Variants in CNTNAP2 observed in about 807,000 individuals in gnomAD.
CNTNAP2 encodes contactin associated protein 2.
A neutral mutation model predicts 155.2 loss-of-function variants in CNTNAP2; 98 were observed. That is an observed-to-expected ratio of 0.63 (90% CI 0.54 to 0.75). The LOEUF is 0.75. Among genes scored for constraint, CNTNAP2 ranks in the 30% least tolerant of loss-of-function variants. The pLI, the probability that CNTNAP2 is intolerant of heterozygous loss-of-function variation, is 0.00. For synonymous variants in CNTNAP2, 651 were observed against 631.2 expected, an observed-to-expected ratio of 1.03 and a Z score of -0.47; for missense variants, 1,727 against 1,688.1, an observed-to-expected ratio of 1.02 and a Z score of -0.40.
At chr7:146,727,831 T>C (rs754225124) in intron 1 of CNTNAP2, among the ~76,000 whole-genome samples, 11 of 152,330 alleles carry the variant, frequency 7.2e-5, no homozygotes, top group Non-Finnish European at 1.3e-4. Context: ...AAATGCTCAT[T>C]GTAAACATTT....
At chr7:146,566,134 A>G (rs956800173) in intron 1 of CNTNAP2, among the ~76,000 whole-genome samples, 4 of 152,192 alleles carry the variant, frequency 2.6e-5, no homozygotes, top group Non-Finnish European at 5.9e-5. Flanking sequence ...CAGCTTTGTT[A>G]TTCCAGCTGG....
At chr7:148,236,166 T>G (rs1283772410) in intron 20 of CNTNAP2, among the ~76,000 whole-genome samples, 1 of 152,234 alleles carries the variant, frequency 6.6e-6, no homozygotes, top group African/African-American at 2.4e-5. Flanking sequence ...AAATGCACCC[T>G]AAGCTCTTCC....
At chr7:147,729,193 C>T (rs1213326449) in intron 13 of CNTNAP2, among the ~76,000 whole-genome samples, 1 of 151,686 alleles carries the variant, frequency 6.6e-6, no homozygotes, top group Non-Finnish European at 1.5e-5. Context: ...GCCTCAGCCT[C>T]CCAAAGTGCT....
chr7:148,403,906 A>G (rs6464881), intron 22 of CNTNAP2, among the ~76,000 whole-genome samples: 44,679 of 152,158 alleles, frequency 0.29, 7,572 homozygotes, highest in African/African-American at 0.46. Context: ...CTTGAAATGT[A>G]TAAGGATTCC....
chr7:148,142,972 A>G (rs964847850), intron 16 of CNTNAP2, among the ~76,000 whole-genome samples: 2 of 152,036 alleles, frequency 1.3e-5, no homozygotes, highest in Non-Finnish European at 1.5e-5. Context: ...AATTTCTTCC[A>G]CCTATATTCT....
intron 3 of CNTNAP2, among the ~76,000 whole-genome samples, chr7:146,965,137 A>G (rs1030751766): frequency 6.6e-5 from 10 of 152,150 alleles, no homozygotes; most frequent in Admixed American, 3.9e-4. Flanking sequence ...GGTGGGGTCC[A>G]TGTGTACAGA....
chr7:146,310,609 A>T (rs913858095), intron 1 of CNTNAP2, among the ~76,000 whole-genome samples: 4 of 152,088 alleles, frequency 2.6e-5, no homozygotes, highest in African/African-American at 9.7e-5. Context: ...ATCTGATATA[A>T]CACTAAGATT....
chr7:148,271,262 G>C (rs1022122043), intron 21 of CNTNAP2, among the ~76,000 whole-genome samples: 1 of 152,208 alleles, frequency 6.6e-6, no homozygotes, highest in African/African-American at 2.4e-5. Flanking sequence ...TCTTCTTAAA[G>C]TGGGGTTTCC....
rs1210844961 is a variant in CNTNAP2, at chr7:147,486,136, A to G, written c.1777+95A>G. The G allele has an allele frequency of 5.4e-6, 5 of 934,036 alleles. No homozygotes were observed. In the African/African-American group the frequency reaches 6.6e-5, roughly 12 times the overall value. The allele number at this position is 934,036 out of a possible 1,614,324, so 57.9% of individuals were successfully genotyped here. ...AAGCTCAGCAACCTGAATAATCCAC[A>G]TAATACATCACTCGAATCTGAAAAA... On this transcript the variant is annotated intron_variant, in intron 11 of 23. Coordinates refer to ENST00000361727, the MANE Select transcript of CNTNAP2 (RefSeq NM_014141.6).
chr7:146,941,917 G>C (rs1797065977), intron 3 of CNTNAP2, among the ~76,000 whole-genome samples: 1 of 151,852 alleles, frequency 6.6e-6, no homozygotes, highest in Non-Finnish European at 1.5e-5. Context: ...GCTGTTTTCA[G>C]AATTCTCTCT....
At chr7:147,691,246 T>C (rs139972014) in intron 13 of CNTNAP2, among the ~76,000 whole-genome samples, 2,505 of 152,274 alleles carry the variant, frequency 0.016, 224 homozygotes, top group Admixed American at 0.15. Flanking sequence ...GTAATGACTG[T>C]AGGCACAACA....
intron 14 of CNTNAP2, among the ~76,000 whole-genome samples, chr7:147,917,821 A>G (rs2116774551): frequency 1.3e-5 from 2 of 152,272 alleles, no homozygotes; most frequent in Middle Eastern, 6.8e-3. Flanking sequence ...CTCCAGAATA[A>G]AGTCCAGACT....
At chr7:148,051,169 T>C (rs1194309328) in intron 15 of CNTNAP2, among the ~76,000 whole-genome samples, 2 of 152,232 alleles carry the variant, frequency 1.3e-5, no homozygotes, top group African/African-American at 2.4e-5. Flanking sequence ...TACTTTTTTC[T>C]AATCAAACTA....
rs570395784 is a variant in CNTNAP2, at chr7:147,581,699, C to T, written c.1897+19442C>T. Among the ~76,000 whole-genome samples the T allele has an allele frequency of 5.3e-5, 8 of 152,276 alleles. No individual in the cohort carries two copies. In the South Asian group the frequency reaches 1.7e-3, roughly 32 times the overall value. On this transcript the variant is annotated intron_variant, in intron 12 of 23. Transcript: ENST00000361727. Reference sequence around the variant, plus strand: ...TCCAAATCTGGTGATTAGTCATTAACTCCAGCTTAACAGCAACTCAGCAGT... The same window carrying T: ...TCCAAATCTGGTGATTAGTCATTAATTCCAGCTTAACAGCAACTCAGCAGT...
In CNTNAP2 at chr7:148,396,349, G is replaced by T. The variant is rs528251821; in HGVS notation, c.3715+12461G>T. ...ATGCTTCCTACTGTACCGCATTTTT[G>T]AGTATTCTTCAGTATCATGCTTCTG... On this transcript the variant is annotated intron_variant, in intron 22 of 23. Transcript: ENST00000361727. Among the ~76,000 whole-genome samples the T allele has an allele frequency of 1.7e-3, 253 of 152,230 alleles. 4 individuals are homozygous for T. Among genetic ancestry groups the T allele is most frequent in the Middle Eastern group, 6.8e-3 (2 of 294 alleles).
intron 15 of CNTNAP2, among the ~76,000 whole-genome samples, chr7:148,111,552 A>G (rs1201290658): frequency 6.6e-6 from 1 of 151,972 alleles, no homozygotes; most frequent in Non-Finnish European, 1.5e-5. Flanking sequence ...AAAAAAATCT[A>G]AAATAAATAG....
intron 1 of CNTNAP2, among the ~76,000 whole-genome samples, chr7:146,366,462 C>A (rs1259816986): frequency 5.3e-5 from 8 of 151,880 alleles, no homozygotes; most frequent in Non-Finnish European, 1.2e-4. Flanking sequence ...GGGAAGAAAC[C>A]GTGTGTCACA....
chr7:147,955,195 G>A (rs966312282), intron 14 of CNTNAP2, among the ~76,000 whole-genome samples: 2 of 152,194 alleles, frequency 1.3e-5, no homozygotes, highest in South Asian at 2.1e-4. Flanking sequence ...CTTACAACTC[G>A]TTGATAGTCA....
chr7:148,113,656 C>T (rs1804403586), intron 15 of CNTNAP2, among the ~76,000 whole-genome samples: 2 of 152,242 alleles, frequency 1.3e-5, no homozygotes, highest in South Asian at 4.1e-4. Flanking sequence ...GCCTGCTTTG[C>T]AGGCTCAGCC....
Sources: allele counts gnomAD v4.1 joint callset (sites outside exome capture counted in the v4.1 genomes callset), GRCh38; gene constraint gnomAD v4.1.1; transcripts MANE v1.5; gene names NCBI Gene and HGNC (gene_info 2026-07-23, HGNC 2026-07-21).